Variants in TPRG1 observed in about 807,000 individuals in gnomAD.
TPRG1 encodes tumor protein p63 regulated 1, also known as tumor protein p63-regulated gene 1 protein.
In TPRG1, 29 loss-of-function variants were observed where a neutral mutation model predicts 29.3. The observed-to-expected ratio is 0.99, with a 90% CI of 0.74 to 1.35. The LOEUF (loss-of-function observed/expected upper bound fraction) is 1.35, where lower values mean the gene tolerates loss of function less well. Among genes scored for constraint, TPRG1 ranks in the 40% most tolerant of loss-of-function variants. The probability of loss-of-function intolerance (pLI) is 0.00; values close to 1 mark genes in which losing one functional copy is unlikely to be tolerated. For missense variants in TPRG1, 327 were observed against 335.0 expected (o/e 0.98, Z 0.19); for synonymous variants, 130 against 116.8 (o/e 1.11, Z -0.73).
intron 1 of TPRG1, among the ~76,000 whole-genome samples, chr3:189,195,602 C>T (rs973633070): frequency 1.3e-5 from 2 of 152,174 alleles, no homozygotes; most frequent in Non-Finnish European, 2.9e-5. Context: ...GGGCAGGGCA[C>T]AGTGTCAGCA....
intron 5 of TPRG1, among the ~76,000 whole-genome samples, chr3:189,316,308 GATAT>G (rs1259291320): frequency 6.6e-6 from 1 of 152,204 alleles, no homozygotes. Context: ...GTGCAAAGAT[GATAT>G]ATACAGTCTG....
intron 2 of TPRG1, among the ~76,000 whole-genome samples, chr3:189,214,111 T>C (rs963238233): frequency 2.6e-5 from 4 of 152,224 alleles, no homozygotes; most frequent in African/African-American, 7.2e-5. Context: ...GCCAATTATT[T>C]TCCATAAGCG....
intron 1 of TPRG1, among the ~76,000 whole-genome samples, chr3:189,101,798 AAAT>A (rs1237477362): frequency 1.6e-4 from 24 of 150,748 alleles, no homozygotes; most frequent in South Asian, 6.2e-4. Flanking sequence ...AATAATAAAT[AAAT>A]AATAATAAAA....
chr3:189,238,425 G>A (rs1739895555), intron 3 of TPRG1, among the ~76,000 whole-genome samples: 1 of 152,206 alleles, frequency 6.6e-6, no homozygotes, highest in South Asian at 2.1e-4. Context: ...ATGTTGGGAA[G>A]TATGAGTCAG....
At chr3:189,259,162 G>T (rs2109029922) in intron 4 of TPRG1, among the ~76,000 whole-genome samples, 1 of 152,290 alleles carries the variant, frequency 6.6e-6, no homozygotes, top group South Asian at 2.1e-4. Context: ...TCTGTGGGTT[G>T]TGAAGATCGT....
intron 5 of TPRG1, among the ~76,000 whole-genome samples, chr3:189,155,696 AAC>A (rs1356444207): frequency 6.6e-6 from 1 of 152,252 alleles, no homozygotes; most frequent in Non-Finnish European, 1.5e-5. Flanking sequence ...AACATAGATG[AAC>A]ACAGAGGACA....
intron 1 of TPRG1, among the ~76,000 whole-genome samples, chr3:189,199,637 G>A (rs1461480285): frequency 5.9e-5 from 9 of 152,096 alleles, no homozygotes; most frequent in Admixed American, 2.0e-4. Flanking sequence ...TCAGGAGTTC[G>A]AGACCAGTCT....
intron 4 of TPRG1, among the ~76,000 whole-genome samples, chr3:189,274,474 A>G (rs774728090): frequency 6.6e-6 from 1 of 152,184 alleles, no homozygotes; most frequent in Non-Finnish European, 1.5e-5. Context: ...CAGAACTTAA[A>G]TAAGAACTTA....
intron 1 of TPRG1, among the ~76,000 whole-genome samples, chr3:189,183,939 A>G (rs1282824565): frequency 6.6e-6 from 1 of 151,922 alleles, no homozygotes; most frequent in Non-Finnish European, 1.5e-5. Flanking sequence ...GGAAATCACA[A>G]GGGTATTGAT....
At chr3:189,076,567 A>C (rs1009576356) in intron 4 of TPRG1, among the ~76,000 whole-genome samples, 6 of 152,138 alleles carry the variant, frequency 3.9e-5, no homozygotes, top group African/African-American at 1.4e-4. Context: ...GTATAAAAAC[A>C]GAATGGGCTC....
chr3:189,161,201 A>C (rs1727429640), intron 5 of TPRG1, among the ~76,000 whole-genome samples: 1 of 152,230 alleles, frequency 6.6e-6, no homozygotes, highest in African/African-American at 2.4e-5. Context: ...TGTAGAGGTA[A>C]TCGAGTATGG....
intron 4 of TPRG1, among the ~76,000 whole-genome samples, chr3:189,078,102 T>TC: frequency 8.2e-6 from 1 of 121,404 alleles, no homozygotes; most frequent in African/African-American, 3.0e-5. Flanking sequence ...TCTTTCTTTC[T>TC]TTCTTTCTTT....
intron 4 of TPRG1, among the ~76,000 whole-genome samples, chr3:189,250,053 T>G (rs760317687): frequency 1.2e-3 from 187 of 152,284 alleles, no homozygotes; most frequent in Non-Finnish European, 1.7e-3. Flanking sequence ...GAAACTCTAA[T>G]TTTTCATGGA....
intron 4 of TPRG1, among the ~76,000 whole-genome samples, chr3:189,280,861 C>G (rs1717011969): frequency 1.3e-5 from 2 of 152,082 alleles, no homozygotes; most frequent in Non-Finnish European, 2.9e-5. Flanking sequence ...GATTGCCTAC[C>G]CAACAATCAC....
chr3:189,171,272 A>T (rs550882872), upstream of TPRG1, among the ~76,000 whole-genome samples: 1 of 152,382 alleles, frequency 6.6e-6, no homozygotes, highest in South Asian at 2.1e-4. Context: ...GACCAAAATT[A>T]AAAAACCTCA....
chr3:189,209,799 T>C (rs1217915954), intron 2 of TPRG1, among the ~76,000 whole-genome samples: 2 of 152,156 alleles, frequency 1.3e-5, no homozygotes, highest in African/African-American at 4.8e-5. Flanking sequence ...TCATTAGGTG[T>C]ATCGAAAACA....
intron 3 of TPRG1, among the ~76,000 whole-genome samples, chr3:189,226,874 G>A (rs987717996): frequency 4.0e-5 from 6 of 151,020 alleles, no homozygotes; most frequent in Non-Finnish European, 7.4e-5. Context: ...GGATATCACA[G>A]CATATCACTA....
At chr3:189,155,424 CTT>C (rs1238139050) in intron 5 of TPRG1, among the ~76,000 whole-genome samples, 1 of 152,034 alleles carries the variant, frequency 6.6e-6, no homozygotes. Flanking sequence ...AAGGCAGAGA[CTT>C]TGCAGATGTG....
intron 4 of TPRG1, among the ~76,000 whole-genome samples, chr3:189,245,506 G>A (rs1054302315): frequency 1.3e-5 from 2 of 151,882 alleles, no homozygotes; most frequent in African/African-American, 4.8e-5. Flanking sequence ...AAATATTTCA[G>A]GTTTTTATAG....
Sources: allele counts gnomAD v4.1 joint callset (sites outside exome capture counted in the v4.1 genomes callset), GRCh38; gene constraint gnomAD v4.1.1; transcripts MANE v1.5; gene names NCBI Gene and HGNC (gene_info 2026-07-23, HGNC 2026-07-21).